Variants in RERE observed in about 807,000 individuals in gnomAD.
RERE encodes the protein arginine-glutamic acid dipeptide repeats protein.
RERE carries 40 observed loss-of-function variants against 146.1 expected under a neutral mutation model. The observed-to-expected ratio is 0.27, with a 90% confidence interval of 0.21 to 0.36. The LOEUF (loss-of-function observed/expected upper bound fraction) is 0.36. RERE is among the 10% of genes least tolerant of loss of function. RERE has a pLI of 1.00. For synonymous variants in RERE, 1,003 were observed against 866.0 expected, an observed-to-expected ratio of 1.16 and a Z score of -2.78; for missense variants, 1,933 against 2,138.7, an observed-to-expected ratio of 0.90 and a Z score of 1.90.
intron 1 of RERE, among the ~76,000 whole-genome samples, chr1:8,678,313 T>TA (rs756492041): frequency 4.0e-5 from 6 of 151,830 alleles, no homozygotes; most frequent in South Asian, 2.1e-4. Context: ...CTTAAATACT[T>TA]AAAAAAAACA....
intron 10 of RERE, among the ~76,000 whole-genome samples, chr1:8,485,918 G>A (rs912217010): frequency 2.0e-5 from 3 of 151,140 alleles, no homozygotes; most frequent in Non-Finnish European, 4.4e-5. Context: ...CCTGCCTCAG[G>A]CTCCCTGAGT....
intron 3 of RERE, 90 bp downstream of exon 3, chr1:8,624,220 A>G: frequency 1.9e-6 from 2 of 1,043,888 alleles, no homozygotes; most frequent in Non-Finnish European, 3.0e-6. Context: ...AACCACGTCA[A>G]CAGCGATGGA....
At chr1:8,471,474 G>T (rs985170904) in intron 10 of RERE, among the ~76,000 whole-genome samples, 1 of 148,368 alleles carries the variant, frequency 6.7e-6, no homozygotes, top group African/African-American at 2.5e-5. Context: ...CCTAACTTTT[G>T]TATTTTGGTA....
chr1:8,439,565 T>C (rs1354886785), intron 11 of RERE, among the ~76,000 whole-genome samples: 2 of 152,374 alleles, frequency 1.3e-5, no homozygotes, highest in African/African-American at 4.8e-5. Context: ...CATTCTCCAT[T>C]GTTTTGAAAC....
At position 8,360,989 on chromosome 1, in the gene RERE, A is replaced by T. The variant is rs1641549078; in HGVS notation, c.2518T>A (p.Ser840Thr). 11 of 1,431,828 alleles carry T rather than the reference A, an allele frequency of 7.7e-6. No homozygotes were observed. Among genetic ancestry groups the T allele is most frequent in the Non-Finnish European group, 9.1e-6 (10 of 1,099,656 alleles). 88.7% of individuals were successfully genotyped at this position (1,431,828 alleles called of 1,614,324 possible). The change falls in exon 18 of 23, where the codon TCT becomes ACT. Residue 840 changes from serine (S) to threonine (T), a missense_variant. Physicochemically the swap from Ser to Thr is moderately conservative, Grantham distance 58. Coordinates refer to ENST00000400908, the MANE Select transcript of RERE (RefSeq NM_001042681.2). ...TGSAGQPSAPSHAQPPLHGQG... is the reference protein window; with the variant it reads ...TGSAGQPSAPTHAQPPLHGQG... ...CCGTGCAGTGGGGGCTGGGCATGAGAGGGTGCAGAAGGCTGGCCCGCCGAC... is the reference window on the plus strand; with the variant it reads ...CCGTGCAGTGGGGGCTGGGCATGAGTGGGTGCAGAAGGCTGGCCCGCCGAC...
intron 1 of RERE, among the ~76,000 whole-genome samples, chr1:8,799,738 GTTT>G (rs59426198): frequency 6.6e-6 from 1 of 151,474 alleles, no homozygotes; most frequent in African/African-American, 2.4e-5. Context: ...AACATTATGA[GTTT>G]TTTTGTGATT....
intron 11 of RERE, among the ~76,000 whole-genome samples, chr1:8,432,654 TTCATGTCTTGTGTA>T (rs1382692238): frequency 2.0e-5 from 3 of 152,202 alleles, no homozygotes; most frequent in African/African-American, 7.2e-5. Context: ...AGGTGAGTAT[TTCATGTCTTGTGTA>T]ATCTTCAGAG....
At chr1:8,477,638 G>A (rs1049878978) in intron 10 of RERE, among the ~76,000 whole-genome samples, 5 of 152,260 alleles carry the variant, frequency 3.3e-5, no homozygotes, top group African/African-American at 1.2e-4. Context: ...GTATGTGAAA[G>A]GCTTTCACAC....
intron 7 of RERE, among the ~76,000 whole-genome samples, chr1:8,520,267 G>T (rs1489656647): frequency 6.6e-6 from 1 of 152,048 alleles, no homozygotes; most frequent in East Asian, 1.9e-4. Flanking sequence ...AGAAATCAAG[G>T]CCTGAGGAAA....
chr1:8,358,832 G>A lies in RERE; in HGVS notation c.3703C>T (p.Pro1235Ser). ...PGHMRPSFEP[P>S]PTTIAAVPPY... ...GGCACAGCAGCAATGGTGGTTGGTG[G>A]TGGCTCGAAGGATGGCCGCATGTGG... Residue 1235 changes from proline (P) to serine (S), a missense_variant, in exon 20 of 23, where the codon CCA becomes TCA. Transcript: ENST00000400908. The A allele has an allele frequency of 6.2e-7, 1 of 1,609,268 alleles. No homozygotes were observed. The highest frequency in any genetic ancestry group is 1.7e-4 in the Middle Eastern group (1 of 6,016).
In RERE at chr1:8,358,541, G is replaced by A; in HGVS notation, c.3994C>T (p.Pro1332Ser). Residue 1332 changes from proline (P) to serine (S), a missense_variant, in exon 20 of 23, where the codon CCA (proline) becomes TCA (serine). Pro to Ser is a moderately conservative substitution (Grantham distance 74). Coordinates refer to ENST00000400908, the MANE Select transcript of RERE (RefSeq NM_001042681.2). Reference sequence around the variant, plus strand: ...GCTGGGTGCAGGGGGTCCAGCTCTGGGGGCTTCACCTCGAAGCCCGGCTTC... The same window carrying A: ...GCTGGGTGCAGGGGGTCCAGCTCTGAGGGCTTCACCTCGAAGCCCGGCTTC... Reference protein sequence around the residue: ...RMKPGFEVKPPELDPLHPAAN... With the variant: ...RMKPGFEVKPSELDPLHPAAN... The A allele has an allele frequency of 1.2e-6, 2 of 1,603,096 alleles. No individual in the cohort carries two copies. Among genetic ancestry groups the A allele is most frequent in the Non-Finnish European group, 1.7e-6 (2 of 1,175,532 alleles).
intron 1 of RERE, among the ~76,000 whole-genome samples, chr1:8,746,295 C>T: frequency 6.6e-6 from 1 of 152,106 alleles, no homozygotes; most frequent in Non-Finnish European, 1.5e-5. Context: ...TGACTTTACT[C>T]TAGGGAACTA....
chr1:8,811,945 T>C (rs1641820488), intron 1 of RERE, among the ~76,000 whole-genome samples: 1 of 152,236 alleles, frequency 6.6e-6, no homozygotes, highest in Non-Finnish European at 1.5e-5. Context: ...ACAAGGTATC[T>C]GGTCGCTAAA....
intron 1 of RERE, among the ~76,000 whole-genome samples, chr1:8,786,005 C>T (rs1641253098): frequency 6.6e-6 from 1 of 152,092 alleles, no homozygotes; most frequent in African/African-American, 2.4e-5. Flanking sequence ...CCCAACCGCT[C>T]TTCATCACCT....
chr1:8,785,625 G>A (rs747395547), intron 1 of RERE, among the ~76,000 whole-genome samples: 18 of 152,062 alleles, frequency 1.2e-4, no homozygotes, highest in Admixed American at 1.3e-4. Context: ...AATTTGCCTT[G>A]AGCTGCTTTT....
intron 11 of RERE, among the ~76,000 whole-genome samples, chr1:8,435,019 T>C (rs1237070775): frequency 1.3e-5 from 2 of 152,236 alleles, no homozygotes; most frequent in Admixed American, 6.5e-5. Context: ...TTGCTTTACA[T>C]TGGGCTAATT....
At chr1:8,516,501 T>C (rs2124327165) in intron 7 of RERE, among the ~76,000 whole-genome samples, 1 of 152,284 alleles carries the variant, frequency 6.6e-6, no homozygotes, top group Non-Finnish European at 1.5e-5. Context: ...TCTTATCTAA[T>C]CTTACAGGCG....
intron 2 of RERE, among the ~76,000 whole-genome samples, chr1:8,628,741 C>T (rs1007561174): frequency 1.3e-5 from 2 of 152,094 alleles, no homozygotes; most frequent in African/African-American, 2.4e-5. Context: ...AAGATAAGAA[C>T]GTAGTCAAGA....
chr1:8,807,938 A>G (rs997494195), intron 1 of RERE, among the ~76,000 whole-genome samples: 1 of 152,174 alleles, frequency 6.6e-6, no homozygotes, highest in Non-Finnish European at 1.5e-5. Flanking sequence ...AATTAATAAT[A>G]AAGTAATACT....
Sources: gnomAD v4.1 joint callset for allele counts (sites outside exome capture counted in the v4.1 genomes callset) on GRCh38, gnomAD v4.1.1 for gene constraint, MANE v1.5 for transcripts, NCBI Gene and HGNC (gene_info 2026-07-23, HGNC 2026-07-21) for gene names.